The following F11R variants were observed in gnomAD, a reference collection of about 807,000 sequenced individuals.
F11R encodes the protein junctional adhesion molecule A.
F11R carries 27 observed loss-of-function variants against 39.3 expected under a neutral mutation model. That is an observed-to-expected ratio of 0.69 (90% CI 0.51 to 0.95). F11R has a LOEUF of 0.95. Ranked by LOEUF, F11R falls within the 40% of genes least tolerant of loss-of-function variation. The pLI, the probability that F11R is intolerant of heterozygous loss-of-function variation, is 0.00. For synonymous variants in F11R, 131 were observed against 144.9 expected, an observed-to-expected ratio of 0.90 and a Z score of 0.69; for missense variants, 335 against 372.7, an observed-to-expected ratio of 0.90 and a Z score of 0.83.
In F11R at chr1:161,000,767, C is replaced by T; in HGVS notation, c.252G>A (p.Glu84=). ...CAGTTGGCAAGAAGGTCACCCGGTC[C>T]TCATAGGAAGCTACCACAAGAGGAG... ...CYNNKITASY[E]DRVTFLPTGI... Residue 84 remains glutamate (E), a synonymous_variant, in exon 4 of 10, where the codon GAG becomes GAA. Coordinates refer to ENST00000368026, the MANE Select transcript of F11R (RefSeq NM_016946.6). 4 of 1,614,152 alleles carry T rather than the reference C, an allele frequency of 2.5e-6. No homozygotes were observed. Among genetic ancestry groups the T allele is most frequent in the Non-Finnish European group, 3.4e-6 (4 of 1,180,032 alleles).
rs144170390 is a variant in F11R at position 161,018,208 on chromosome 1, C to T, written c.64+2802G>A. 5.9e-5 allele frequency among the ~76,000 whole-genome samples: 9 copies of T among 152,332 alleles called. No homozygotes were observed. In the East Asian group the frequency reaches 1.5e-3, roughly 26 times the overall value. ...CAGTGTCTACCCTCTGGATCTCTGC[C>T]CCACAGGGTCAGGGTTTCCCCTCCA... On this transcript the variant is annotated intron_variant, in intron 1 of 9. Coordinates refer to ENST00000368026, the MANE Select transcript of F11R (RefSeq NM_016946.6).
At chr1:160,999,816 C>G in intron 6 of F11R, 60 bp downstream of exon 6, 1 of 1,607,036 alleles carries the variant, frequency 6.2e-7, no homozygotes, top group Non-Finnish European at 8.5e-7. Flanking sequence ...TCACCAATGG[C>G]AGGATGAAAA....
intron 1 of F11R, among the ~76,000 whole-genome samples, chr1:161,004,237 C>T (rs113645076): frequency 0.022 from 3,314 of 152,084 alleles, 33 homozygotes; most frequent in Non-Finnish European, 0.025. Flanking sequence ...TGAACCATCA[C>T]GCCTGGCCAT....
chr1:161,009,733 C>T (rs947190266), intron 1 of F11R, among the ~76,000 whole-genome samples: 16 of 151,790 alleles, frequency 1.1e-4, no homozygotes, highest in African/African-American at 3.6e-4. Context: ...TTTGGGAGGC[C>T]GATGTGGGTG....
intron 1 of F11R, among the ~76,000 whole-genome samples, chr1:161,010,444 A>AAAAAAAAAG (rs935688507): frequency 3.4e-5 from 5 of 145,282 alleles, no homozygotes; most frequent in African/African-American, 1.4e-4. Flanking sequence ...ACTCCATCAA[A>AAAAAAAAAG]AAAAAAAAAA....
At chr1:161,009,609 C>CTA in intron 1 of F11R, among the ~76,000 whole-genome samples, 1 of 152,286 alleles carries the variant, frequency 6.6e-6, no homozygotes, top group Admixed American at 6.5e-5. Context: ...CCACATCTAT[C>CTA]TATATATTTA....
rs1422046698 is a variant in F11R at position 161,021,084 on chromosome 1, C to T, written c.-11G>A. On this transcript the variant is annotated 5_prime_UTR_variant, in exon 1 of 10. Coordinates refer to ENST00000368026, the MANE Select transcript of F11R (RefSeq NM_016946.6). ...CGCCTTTGTCCCCATCGCGATCAGG[C>T]TCCCGACACAACAGCCGCCGAAGGA... The T allele has an allele frequency of 6.2e-7, 1 of 1,611,772 alleles. No homozygotes were observed. The highest frequency in any genetic ancestry group is 1.7e-5 in the Admixed American group (1 of 60,012).
intron 1 of F11R, among the ~76,000 whole-genome samples, chr1:161,020,100 T>G (rs946874430): frequency 1.3e-5 from 2 of 152,178 alleles, no homozygotes; most frequent in African/African-American, 4.8e-5. Flanking sequence ...ACACAGGTAC[T>G]GCCACAGGTT....
At chr1:161,001,477 C>A (rs541690399) in intron 1 of F11R, 124 bp from the exon 2 acceptor site, 19 of 735,282 alleles carry the variant, frequency 2.6e-5, no homozygotes, top group African/African-American at 5.3e-5. Context: ...GGATTCCAGA[C>A]TTATGCTCCC....
intron 3 of F11R, 88 bp downstream of exon 3, chr1:161,000,932 G>T: frequency 6.8e-7 from 1 of 1,471,886 alleles, no homozygotes; most frequent in Non-Finnish European, 9.5e-7. Context: ...TGTGCCCTGG[G>T]ATAAGGGCAC....
chr1:161,017,789 G>GCAA lies in F11R; in HGVS notation c.64+3218_64+3220dup, dbSNP rs757132361. ...GAGAAACACCCACAGGTGTGGAGGG[G>GCAA]CAACCCACACCTTCACACCAGTCTA... On this transcript the variant is annotated intron_variant, in intron 1 of 9. Transcript: ENST00000368026. 2.6e-5 allele frequency among the ~76,000 whole-genome samples: 4 copies of GCAA among 152,282 alleles called. No homozygotes were observed. The East Asian group carries it at 7.7e-4, about 29-fold the overall frequency.
At chr1:161,015,002 C>T (rs1320737537) in intron 1 of F11R, among the ~76,000 whole-genome samples, 80 of 149,622 alleles carry the variant, frequency 5.3e-4, no homozygotes, top group Admixed American at 1.1e-3. Flanking sequence ...GGCGTGAACC[C>T]GGGAGGCAGA....
At chr1:161,006,463 G>A (rs974851591) in intron 1 of F11R, among the ~76,000 whole-genome samples, 2 of 152,152 alleles carry the variant, frequency 1.3e-5, no homozygotes, top group East Asian at 3.8e-4. Flanking sequence ...TTTGATGGTT[G>A]TTCCTCCACC....
Position 160,996,443 on chromosome 1 carries a change from A to G in F11R, c.*2428T>C, listed in dbSNP as rs1182356109. 25 of 152,324 alleles carry G rather than the reference A, an allele frequency of 1.6e-4. No homozygotes were observed. Among genetic ancestry groups the G allele is most frequent in the Admixed American group, 1.6e-3 (25 of 15,264 alleles). The allele number at this position is 152,324 out of a possible 1,614,324, so 9.4% of individuals were successfully genotyped here. ...CATATCCTTCCTACTCTGTCTTCCA[A>G]CCATGACACAGAACTGAAACATACT... On this transcript the variant is annotated 3_prime_UTR_variant, in exon 10 of 10. Transcript: ENST00000368026.
chr1:161,017,310 G>A (rs967529562), intron 1 of F11R, among the ~76,000 whole-genome samples: 1 of 152,142 alleles, frequency 6.6e-6, no homozygotes, highest in African/African-American at 2.4e-5. Flanking sequence ...TCTTGCAGTT[G>A]AGACAAGAGA....
intron 1 of F11R, among the ~76,000 whole-genome samples, chr1:161,012,585 G>A (rs916463479): frequency 2.1e-5 from 3 of 145,720 alleles, no homozygotes; most frequent in Middle Eastern, 3.2e-3. Flanking sequence ...CTTTTGTGTC[G>A]TTTGAATTAA....
chr1:161,006,731 G>A (rs1648839405), intron 1 of F11R, among the ~76,000 whole-genome samples: 1 of 152,130 alleles, frequency 6.6e-6, no homozygotes, highest in Non-Finnish European at 1.5e-5. Context: ...GGTGTATTGT[G>A]ATTGCCTATC....
chr1:161,000,085 C>G, intron 5 of F11R, 61 bp downstream of exon 5: 3 of 1,604,112 alleles, frequency 1.9e-6, no homozygotes, highest in Non-Finnish European at 2.6e-6. Context: ...TTCTTCCTCC[C>G]ACCTTTTGGG....
intron 6 of F11R, 32 bp from the exon 7 acceptor site, chr1:160,999,779 G>A: frequency 1.2e-6 from 2 of 1,608,220 alleles, no homozygotes; most frequent in Non-Finnish European, 1.7e-6. Context: ...TCAGGCACGG[G>A]GATACTCACT....
Sources: gnomAD v4.1 joint callset for allele counts (sites outside exome capture counted in the v4.1 genomes callset) on GRCh38, gnomAD v4.1.1 for gene constraint, MANE v1.5 for transcripts, NCBI Gene and HGNC (gene_info 2026-07-23, HGNC 2026-07-21) for gene names.